The following COL21A1 variants were observed in gnomAD, a reference collection of about 807,000 sequenced individuals.
The protein encoded by COL21A1 is collagen type XXI alpha 1 chain.
A neutral mutation model predicts 137.9 loss-of-function variants in COL21A1; 149 were observed. The ratio of observed to expected loss-of-function variants is 1.08; its 90% CI spans 0.95 to 1.24. The LOEUF is 1.24. Ranked by LOEUF, COL21A1 falls within the 50% of genes most tolerant of loss-of-function variation. COL21A1 has a pLI of 0.00. For synonymous variants in COL21A1, 456 were observed against 391.5 expected (o/e 1.16, Z -1.95); for missense variants, 1,167 against 1,158.4 (o/e 1.01, Z -0.11).
intron 9 of COL21A1, among the ~76,000 whole-genome samples, chr6:56,161,137 A>G (rs574324773): frequency 6.6e-6 from 1 of 152,340 alleles, no homozygotes; most frequent in African/African-American, 2.4e-5. Flanking sequence ...GATAGTCCCA[A>G]TGAATCTCTA....
At chr6:56,225,575 T>G (rs1781133897) in intron 1 of COL21A1, among the ~76,000 whole-genome samples, 1 of 152,058 alleles carries the variant, frequency 6.6e-6, no homozygotes, top group African/African-American at 2.4e-5. Context: ...AGCTTGTTCC[T>G]GTCCAAAGGA....
chr6:56,384,615 T>C (rs777619478), intron 1 of COL21A1, among the ~76,000 whole-genome samples: 20 of 152,196 alleles, frequency 1.3e-4, no homozygotes, highest in Non-Finnish European at 2.5e-4. Flanking sequence ...AGAGTAATAT[T>C]TTCTTAAGTA....
intron 16 of COL21A1, among the ~76,000 whole-genome samples, chr6:56,104,733 C>CA (rs1421937414): frequency 6.6e-6 from 1 of 152,000 alleles, no homozygotes; most frequent in Non-Finnish European, 1.5e-5. Context: ...CAGCTAACGT[C>CA]AAAAATGATT....
At chr6:56,266,390 GT>G (rs71549703) in intron 1 of COL21A1, among the ~76,000 whole-genome samples, 1 of 152,026 alleles carries the variant, frequency 6.6e-6, no homozygotes, top group African/African-American at 2.4e-5. Context: ...GATCTTTTTT[GT>G]TTTTTTGTTT....
At chr6:56,164,100 T>C (rs190409720) in intron 9 of COL21A1, among the ~76,000 whole-genome samples, 25 of 152,316 alleles carry the variant, frequency 1.6e-4, no homozygotes, top group East Asian at 1.3e-3. Context: ...ACAAATGCCC[T>C]TTCTTCATTT....
chr6:56,387,573 C>T (rs1290101277), intron 1 of COL21A1, among the ~76,000 whole-genome samples: 1 of 152,150 alleles, frequency 6.6e-6, no homozygotes, highest in Non-Finnish European at 1.5e-5. Context: ...TCCCAGCCCT[C>T]CTCAGTGCTA....
In COL21A1 at chr6:56,235,902, G is replaced by A. The variant is rs1454370574; in HGVS notation, c.-39+11485C>T. Among the ~76,000 whole-genome samples, 4 of 151,958 alleles carry A rather than the reference G, an allele frequency of 2.6e-5. No individual in the cohort carries two copies. The East Asian group carries it at 7.7e-4, about 29-fold the overall frequency. On this transcript the variant is annotated intron_variant, in intron 1 of 29. Coordinates refer to ENST00000244728, the MANE Select transcript of COL21A1 (RefSeq NM_030820.4). ...TTCAAAAGAAATACAAAACTTCTGG[G>A]ATCCAAAATTTGGATTGTAGAATGC...
chr6:56,067,242 T>G, intron 23 of COL21A1, 53 bp downstream of exon 23: 1 of 1,449,166 alleles, frequency 6.9e-7, no homozygotes, highest in African/African-American at 1.4e-5. Context: ...TAAGAACTTT[T>G]TAAAAGCTCT....
intron 1 of COL21A1, among the ~76,000 whole-genome samples, chr6:56,227,017 A>C (rs1417239702): frequency 1.3e-5 from 2 of 151,970 alleles, no homozygotes; most frequent in Non-Finnish European, 2.9e-5. Context: ...GTGCCATGAC[A>C]GGTCCTCAAA....
In COL21A1 at chr6:56,171,001, T is replaced by C. The variant is rs755167666; in HGVS notation, c.768A>G (p.Gly256=). ...RIQLSPKKIK[G]YEVTSKVDLS... is the part of the protein sequence containing the mutation. ...AATCAACTTTTGATGTTACTTCATA[T>C]CCTTTTATCTTTTTTGGTGAAAGCT... is the stretch of plus-strand genomic sequence containing the variant. Residue 256 remains glycine, a synonymous_variant, in exon 4 of 30, where the codon GGA becomes GGG. Coordinates refer to ENST00000244728, the MANE Select transcript of COL21A1 (RefSeq NM_030820.4). 18 of 1,606,834 alleles carry C rather than the reference T, an allele frequency of 1.1e-5. No individual in the cohort carries two copies. In the East Asian group the frequency reaches 3.6e-4, roughly 32 times the overall value.
chr6:56,081,167 T>G (rs1012900837), intron 17 of COL21A1, among the ~76,000 whole-genome samples: 1 of 151,910 alleles, frequency 6.6e-6, no homozygotes, highest in Non-Finnish European at 1.5e-5. Flanking sequence ...CCTTTGAAAG[T>G]TGTGAAATAC....
intron 1 of COL21A1, among the ~76,000 whole-genome samples, chr6:56,384,934 G>A (rs1201027178): frequency 6.6e-6 from 1 of 152,174 alleles, no homozygotes; most frequent in African/African-American, 2.4e-5. Context: ...ATAAGCCAAA[G>A]GTCACAATTG....
Position 56,156,925 on chromosome 6 carries a change from G to C in COL21A1, c.1396C>G (p.Pro466Ala). The change falls in exon 10 of 30, where the codon CCT becomes GCT. Residue 466 changes from proline to alanine, a missense_variant. By Grantham distance (27) the Pro-to-Ala change is conservative. Coordinates refer to ENST00000244728, the MANE Select transcript of COL21A1 (RefSeq NM_030820.4). ...PKGDPGLPGN[P>A]GYPGQPGQDG... is the part of the protein sequence containing the mutation. ...TGACCAGGTTGTCCAGGGTAGCCAG[G>C]GTTCCCAGGCAGTCCAGGGTCACCC... The C allele has an allele frequency of 6.2e-7, 1 of 1,612,094 alleles. No individual in the cohort carries two copies. Among genetic ancestry groups the C allele is most frequent in the South Asian group, 1.1e-5 (1 of 90,472 alleles).
At chr6:56,375,149 T>C (rs1210052320) in intron 1 of COL21A1, among the ~76,000 whole-genome samples, 1 of 152,132 alleles carries the variant, frequency 6.6e-6, no homozygotes, top group Non-Finnish European at 1.5e-5. Flanking sequence ...GAAAGAATGT[T>C]AGAGACCGAG....
intron 1 of COL21A1, among the ~76,000 whole-genome samples, chr6:56,239,325 A>G (rs1305232626): frequency 6.6e-6 from 1 of 152,170 alleles, no homozygotes; most frequent in Non-Finnish European, 1.5e-5. Context: ...TTGAAATTAT[A>G]ATTCCAAATG....
chr6:56,353,411 A>C (rs1406831405), intron 1 of COL21A1, among the ~76,000 whole-genome samples: 1 of 152,096 alleles, frequency 6.6e-6, no homozygotes, highest in Non-Finnish European at 1.5e-5. Context: ...CAGCTATTTG[A>C]GTCTTCCTGG....
At chr6:56,319,468 G>A (rs1435513564) in intron 1 of COL21A1, among the ~76,000 whole-genome samples, 1 of 152,112 alleles carries the variant, frequency 6.6e-6, no homozygotes, top group Non-Finnish European at 1.5e-5. Context: ...TTCCCAAGTA[G>A]CTGGGACTAC....
chr6:56,156,872 G>C lies in COL21A1; in HGVS notation c.1434+15C>G. ...TCCCAGATATACCGGAGATGACTAA[G>C]CTTTCAGTACTCACAGGCTTACCAT... On this transcript the variant is annotated intron_variant, in intron 10 of 29. Coordinates refer to ENST00000244728, the MANE Select transcript of COL21A1 (RefSeq NM_030820.4). The C allele has an allele frequency of 6.2e-7, 1 of 1,605,402 alleles. No individual in the cohort carries two copies. The highest frequency in any genetic ancestry group is 8.5e-7 in the Non-Finnish European group (1 of 1,174,138).
intron 1 of COL21A1, among the ~76,000 whole-genome samples, chr6:56,306,318 C>A (rs937845768): frequency 6.6e-6 from 1 of 150,758 alleles, no homozygotes; most frequent in Non-Finnish European, 1.5e-5. Flanking sequence ...TAATATCCTG[C>A]AGAGTGTTTT....
Sources: gnomAD v4.1 joint callset for allele counts (sites outside exome capture counted in the v4.1 genomes callset) on GRCh38, gnomAD v4.1.1 for gene constraint, MANE v1.5 for transcripts, NCBI Gene and HGNC (gene_info 2026-07-23, HGNC 2026-07-21) for gene names.